The following SESN3 variants were observed in gnomAD, a reference collection of about 807,000 sequenced individuals.
The protein encoded by SESN3 is sestrin 3.
Under a neutral mutation model 55.3 loss-of-function variants are expected in SESN3, and 21 were observed. The observed-to-expected ratio is 0.38, with a 90% confidence interval of 0.27 to 0.55. SESN3 has a LOEUF of 0.55. Ranked by LOEUF, SESN3 falls within the 20% of genes least tolerant of loss-of-function variation. SESN3 has a pLI of 0.76. For synonymous variants in SESN3, 181 were observed against 203.1 expected (o/e 0.89, Z 0.93); for missense variants, 408 against 604.3 (o/e 0.68, Z 3.41).
intron 1 of SESN3, among the ~76,000 whole-genome samples, chr11:95,194,186 A>G (rs1333934505): frequency 1.3e-5 from 2 of 151,918 alleles, no homozygotes; most frequent in Non-Finnish European, 2.9e-5. Context: ...AGATTGAAAA[A>G]TATTTTAGTA....
Position 95,170,707 on chromosome 11 carries a change from G to A in SESN3, c.*2548C>T, listed in dbSNP as rs1462031262. 1 of 152,170 alleles carries A rather than the reference G, an allele frequency of 6.6e-6. No individual in the cohort carries two copies. Among genetic ancestry groups the A allele is most frequent in the African/African-American group, 2.4e-5 (1 of 41,454 alleles). The allele number at this position is 152,170 out of a possible 1,614,324, so 9.4% of individuals were successfully genotyped here. On this transcript the variant is annotated 3_prime_UTR_variant, in exon 10 of 10. Coordinates refer to ENST00000536441, the MANE Select transcript of SESN3 (RefSeq NM_144665.4). ...AATGGTATTCACAACCTGAAATGCT[G>A]TGCATGCTGCGTATTAGTAGGTGCT...
intron 6 of SESN3, among the ~76,000 whole-genome samples, chr11:95,179,220 T>TCTTAGCTCA (rs1819524171): frequency 6.6e-6 from 1 of 151,920 alleles, no homozygotes. Flanking sequence ...AGTGGCGCGA[T>TCTTAGCTCA]CTTAGCTCAC....
chr11:95,168,953 C>G lies in SESN3; in HGVS notation c.*4302G>C, dbSNP rs746207647. Reference sequence around the variant, plus strand: ...ACCTCCCACATGGGAAATATTTTCTCTAGATTAGGTGTACGGTGCTGAAGG... The same window carrying G: ...ACCTCCCACATGGGAAATATTTTCTGTAGATTAGGTGTACGGTGCTGAAGG... On this transcript the variant is annotated 3_prime_UTR_variant, in exon 10 of 10. Transcript: ENST00000536441. 2 of 152,240 alleles carry G rather than the reference C, an allele frequency of 1.3e-5. No individual in the cohort carries two copies. Among genetic ancestry groups the G allele is most frequent in the Non-Finnish European group, 2.9e-5 (2 of 68,100 alleles). The allele number at this position is 152,240 out of a possible 1,614,324, so 9.4% of individuals were successfully genotyped here. A position where few individuals can be genotyped will look rare whatever the true frequency, so the allele number is the denominator to read the frequency against.
rs367705419 is a variant in SESN3 at position 95,166,458 on chromosome 11, T to C, written c.*6797A>G. 5 of 152,228 alleles carry C rather than the reference T, an allele frequency of 3.3e-5. No homozygotes were observed. The highest frequency in any genetic ancestry group is 9.6e-5 in the African/African-American group (4 of 41,458). 9.4% of individuals were successfully genotyped at this position (152,228 alleles called of 1,614,324 possible). A position where few individuals can be genotyped will look rare whatever the true frequency, so the allele number is the denominator to read the frequency against. On this transcript the variant is annotated 3_prime_UTR_variant, in exon 10 of 10. Transcript: ENST00000536441. ...CGCTCACAACTTAAGGATAAATGTC[T>C]AACATTGAAAGTCAAGAAGTTGGCA...
At chr11:95,223,108 G>C (rs1436788598) in intron 1 of SESN3, among the ~76,000 whole-genome samples, 2 of 152,052 alleles carry the variant, frequency 1.3e-5, no homozygotes, top group Admixed American at 6.6e-5. Context: ...ACTGAATGCA[G>C]GTAGTTGCTG....
chr11:95,223,491 G>A (rs1371478706), intron 1 of SESN3, among the ~76,000 whole-genome samples: 2 of 152,138 alleles, frequency 1.3e-5, no homozygotes, highest in African/African-American at 4.8e-5. Context: ...TCAAAGTGAA[G>A]GAACTTTGTT....
intron 1 of SESN3, among the ~76,000 whole-genome samples, chr11:95,194,462 C>CT (rs1266584359): frequency 6.6e-6 from 1 of 152,082 alleles, no homozygotes; most frequent in East Asian, 1.9e-4. Context: ...CTGTGATAGA[C>CT]TTTGAGGATA....
chr11:95,182,398 A>G (rs1266651339), intron 6 of SESN3, among the ~76,000 whole-genome samples: 1 of 152,152 alleles, frequency 6.6e-6, no homozygotes, highest in African/African-American at 2.4e-5. Flanking sequence ...GTCTGTTCCC[A>G]GTTATATGCT....
rs750674165 is a variant in SESN3 at position 95,185,265 on chromosome 11, G to C, written c.753C>G (p.Ser251Arg). The change falls in exon 5 of 10, where the codon AGC becomes AGG. Residue 251 changes from serine (S) to arginine (R), a missense_variant. By Grantham distance (110) the Ser-to-Arg change is moderately radical. This residue lies in a region of SESN3 where 119 missense variants were observed against 139.9 expected (regional missense o/e 0.85). Transcript: ENST00000536441. ...AGCTAAGAAAACTAACCCCAAAGTT[G>C]CTGCCTGAAAGAGATGCATTCTCTA... is the stretch of plus-strand genomic sequence containing the variant. ...NNIENASLSG[S>R]NFGIVDSLSE... The C allele has an allele frequency of 5.6e-6, 9 of 1,596,838 alleles. No individual in the cohort carries two copies. Among genetic ancestry groups the C allele is most frequent in the African/African-American group, 1.3e-5 (1 of 74,232 alleles).
At chr11:95,209,940 C>T (rs1254757450) in intron 1 of SESN3, among the ~76,000 whole-genome samples, 1 of 142,170 alleles carries the variant, frequency 7.0e-6, no homozygotes, top group Non-Finnish European at 1.6e-5. Flanking sequence ...TCGCTTGATT[C>T]CAGGAGGCGA....
chr11:95,231,201 G>C lies in SESN3; in HGVS notation c.-341C>G, dbSNP rs982836799. 11 of 412,668 alleles carry C rather than the reference G, an allele frequency of 2.7e-5. No homozygotes were observed. Among genetic ancestry groups the C allele is most frequent in the Non-Finnish European group, 4.2e-5 (10 of 236,422 alleles). 25.6% of individuals were successfully genotyped at this position (412,668 alleles called of 1,614,324 possible). On this transcript the variant is annotated 5_prime_UTR_variant, in exon 1 of 10. Transcript: ENST00000536441. Reference sequence around the variant, plus strand: ...ACCACCGCCGCCGCAGCGCCTCAGTGCGGCCCCGCCTCCGCCGCCCCACCA... The same window carrying C: ...ACCACCGCCGCCGCAGCGCCTCAGTCCGGCCCCGCCTCCGCCGCCCCACCA...
At chr11:95,187,989 T>C (rs1860197194) in intron 4 of SESN3, among the ~76,000 whole-genome samples, 1 of 149,998 alleles carries the variant, frequency 6.7e-6, no homozygotes, top group Admixed American at 6.7e-5. Context: ...ACTAGAATCT[T>C]ATCCTTCCTA....
chr11:95,210,893 T>A (rs1860642064), intron 1 of SESN3, among the ~76,000 whole-genome samples: 2 of 152,188 alleles, frequency 1.3e-5, no homozygotes, highest in Admixed American at 1.3e-4. Context: ...AATAATACTC[T>A]ATAAACATTC....
At chr11:95,181,681 T>C (rs1860061223) in intron 6 of SESN3, among the ~76,000 whole-genome samples, 1 of 152,150 alleles carries the variant, frequency 6.6e-6, no homozygotes, top group Non-Finnish European at 1.5e-5. Flanking sequence ...ATGACCCCTG[T>C]AGAATACTTT....
Position 95,171,370 on chromosome 11 carries a change from A to G in SESN3, c.*1885T>C, listed in dbSNP as rs556798651. 6.6e-6 allele frequency: 1 copy of G among 152,328 alleles called. No individual in the cohort carries two copies. Among genetic ancestry groups the G allele is most frequent in the East Asian group, 1.9e-4 (1 of 5,192 alleles). The allele number at this position is 152,328 out of a possible 1,614,324, so 9.4% of individuals were successfully genotyped here. On this transcript the variant is annotated 3_prime_UTR_variant, in exon 10 of 10. Coordinates refer to ENST00000536441, the MANE Select transcript of SESN3 (RefSeq NM_144665.4). ...TAAATAAACCACCCTGTCTTTAAAA[A>G]TATTAGTAATTTTTTCCTCACATGG... is the stretch of plus-strand genomic sequence containing the variant.
At chr11:95,173,853 A>AT (rs1859902187) in intron 9 of SESN3, among the ~76,000 whole-genome samples, 1 of 152,162 alleles carries the variant, frequency 6.6e-6, no homozygotes, top group African/African-American at 2.4e-5. Context: ...AGTCTTTCAG[A>AT]TAAAATTCTG....
In SESN3 at chr11:95,230,556, A is replaced by G. The variant is rs1861036961; in HGVS notation, c.78+227T>C. The G allele has an allele frequency of 1.9e-6, 1 of 527,578 alleles. No individual in the cohort carries two copies. The highest frequency in any genetic ancestry group is 3.8e-5 in the Admixed American group (1 of 26,586). The allele number at this position is 527,578 out of a possible 1,614,324, so 32.7% of individuals were successfully genotyped here. On this transcript the variant is annotated intron_variant, in intron 1 of 9. Coordinates refer to ENST00000536441, the MANE Select transcript of SESN3 (RefSeq NM_144665.4). This position sits in a 1 kb window ranked among gnomAD's most constrained non-coding sequence, Gnocchi z 4.6. ...CAAATAAAAGGAACAAGGGAAGAAA[A>G]AATATCCCAACCCCTCCAGACTTGG...
At chr11:95,227,792 G>C (rs1860975195) in intron 1 of SESN3, among the ~76,000 whole-genome samples, 1 of 152,118 alleles carries the variant, frequency 6.6e-6, no homozygotes, top group Admixed American at 6.5e-5. Context: ...CCTCAATGCA[G>C]TTTGACACAT....
At position 95,230,358 on chromosome 11, in the gene SESN3, G is replaced by A. The variant is rs1861031680; in HGVS notation, c.78+425C>T. The A allele has an allele frequency of 6.0e-6, 1 of 165,808 alleles. No individual in the cohort carries two copies. The highest frequency in any genetic ancestry group is 6.4e-5 in the Admixed American group (1 of 15,732). The allele number at this position is 165,808 out of a possible 1,614,324, so 10.3% of individuals were successfully genotyped here. A position where few individuals can be genotyped will look rare whatever the true frequency, so the allele number is the denominator to read the frequency against. On this transcript the variant is annotated intron_variant, in intron 1 of 9. Coordinates refer to ENST00000536441, the MANE Select transcript of SESN3 (RefSeq NM_144665.4). This position sits in a 1 kb window ranked among gnomAD's most constrained non-coding sequence, Gnocchi z 4.6. Reference sequence around the variant, plus strand: ...ACTCGCAAGAGTTAGCCACAGCAAAGAGGGGCCAGGTTCCTCGGGATCCGA... The same window carrying A: ...ACTCGCAAGAGTTAGCCACAGCAAAAAGGGGCCAGGTTCCTCGGGATCCGA...
Sources: allele counts gnomAD v4.1 joint callset (sites outside exome capture counted in the v4.1 genomes callset), GRCh38; gene constraint gnomAD v4.1.1; regional missense constraint gnomAD v4.1.1; non-coding constraint Gnocchi (gnomAD v3.1); transcripts MANE v1.5; gene names NCBI Gene and HGNC (gene_info 2026-07-23, HGNC 2026-07-21).